PXDNL: variants seen among roughly 807,000 people sequenced by gnomAD.
PXDNL encodes probable oxidoreductase PXDNL.
In PXDNL, 145 loss-of-function variants were observed where a neutral mutation model predicts 150.8. That is an observed-to-expected ratio of 0.96 (90% CI 0.84 to 1.10). The LOEUF is 1.10. Among genes scored for constraint, PXDNL ranks in the 50% least tolerant of loss-of-function variants. The probability of loss-of-function intolerance (pLI) is 0.00; values close to 1 mark genes in which losing one functional copy is unlikely to be tolerated. For missense variants in PXDNL, 2,087 were observed against 1,873.9 expected (o/e 1.11, Z -2.10); for synonymous variants, 757 against 725.7 (o/e 1.04, Z -0.69).
intron 17 of PXDNL, among the ~76,000 whole-genome samples, chr8:51,406,389 T>C (rs1267534827): frequency 6.6e-6 from 1 of 152,178 alleles, no homozygotes; most frequent in Non-Finnish European, 1.5e-5. Context: ...TGCTAGTCTC[T>C]CCTCCTTGCA....
intron 14 of PXDNL, 60 bp from the exon 15 acceptor site, chr8:51,413,318 T>G: frequency 2.0e-6 from 2 of 998,122 alleles, no homozygotes. Flanking sequence ...AGGCATGATA[T>G]TATATGAATG....
chr8:51,525,409 C>T (rs1308470932), intron 4 of PXDNL, among the ~76,000 whole-genome samples: 1 of 152,144 alleles, frequency 6.6e-6, no homozygotes, highest in African/African-American at 2.4e-5. Context: ...CAGTAATTAC[C>T]ACGTGTAACA....
intron 1 of PXDNL, among the ~76,000 whole-genome samples, chr8:51,739,807 T>C (rs987224551): frequency 2.1e-5 from 3 of 144,296 alleles, no homozygotes; most frequent in South Asian, 2.2e-4. Flanking sequence ...ACCCAGGAGG[T>C]GGAGCTTGCA....
At chr8:51,377,755 G>C (rs368160809) in intron 17 of PXDNL, among the ~76,000 whole-genome samples, 1 of 152,304 alleles carries the variant, frequency 6.6e-6, no homozygotes, top group African/African-American at 2.4e-5. Context: ...GCCTCCCTGC[G>C]GGGCAGGGCT....
intron 8 of PXDNL, among the ~76,000 whole-genome samples, chr8:51,462,683 C>CA: frequency 6.6e-6 from 1 of 152,098 alleles, no homozygotes; most frequent in Non-Finnish European, 1.5e-5. Context: ...CATTGGCATT[C>CA]CTGAGAGAAA....
At chr8:51,524,441 T>C (rs1811727168) in intron 4 of PXDNL, among the ~76,000 whole-genome samples, 2 of 152,210 alleles carry the variant, frequency 1.3e-5, no homozygotes, top group African/African-American at 4.8e-5. Flanking sequence ...GGGCAATACA[T>C]TTAAACAGTT....
At chr8:51,570,561 G>A (rs559164166) in intron 3 of PXDNL, among the ~76,000 whole-genome samples, 5 of 151,894 alleles carry the variant, frequency 3.3e-5, no homozygotes, top group South Asian at 2.1e-4. Flanking sequence ...CATCCTTTTC[G>A]TCTATGAATT....
chr8:51,765,244 C>T (rs1380791170), intron 1 of PXDNL, among the ~76,000 whole-genome samples: 1 of 152,108 alleles, frequency 6.6e-6, no homozygotes, highest in East Asian at 1.9e-4. Flanking sequence ...GGGGCGGTTT[C>T]CCCCTTACTG....
intron 9 of PXDNL, among the ~76,000 whole-genome samples, chr8:51,456,439 G>A (rs1156247036): frequency 1.3e-5 from 2 of 152,280 alleles, no homozygotes; most frequent in South Asian, 2.1e-4. Flanking sequence ...GCAATCCTCC[G>A]AGGCTGCTGC....
intron 12 of PXDNL, among the ~76,000 whole-genome samples, chr8:51,446,390 A>C (rs982190991): frequency 6.6e-6 from 1 of 152,234 alleles, no homozygotes; most frequent in South Asian, 2.1e-4. Flanking sequence ...ATTTCACCAT[A>C]AGCCAGAAAC....
chr8:51,508,153 A>G (rs993730222), intron 4 of PXDNL, among the ~76,000 whole-genome samples: 1 of 152,242 alleles, frequency 6.6e-6, no homozygotes. Context: ...AAAAGGAGGC[A>G]GGAATGTGTC....
At chr8:51,783,958 A>G (rs1433168053) in intron 1 of PXDNL, among the ~76,000 whole-genome samples, 1 of 152,148 alleles carries the variant, frequency 6.6e-6, no homozygotes, top group African/African-American at 2.4e-5. Context: ...ATGATTGTTC[A>G]TGTCTTCTGA....
chr8:51,451,617 ACTGTGATT>A (rs1386606293), intron 10 of PXDNL, among the ~76,000 whole-genome samples: 1 of 152,184 alleles, frequency 6.6e-6, no homozygotes, highest in East Asian at 1.9e-4. Context: ...ATATGTCCAC[ACTGTGATT>A]CATATCTTTC....
chr8:51,435,369 T>TTTTGTTCG (rs1809370998), intron 12 of PXDNL, among the ~76,000 whole-genome samples: 1 of 151,168 alleles, frequency 6.6e-6, no homozygotes, highest in Non-Finnish European at 1.5e-5. Flanking sequence ...GTTTGCTTGT[T>TTTTGTTCG]TTTGTTTGTT....
chr8:51,371,998 T>C lies in PXDNL; in HGVS notation c.3776A>G (p.Asp1259Gly). Residue 1259 changes from aspartate (D) to glycine (G), a missense_variant, in exon 19 of 23, where the codon GAC becomes GGC. Coordinates refer to ENST00000356297, the MANE Select transcript of PXDNL (RefSeq NM_144651.5). ...KQASLSRVLCDNGDSIQQVQA... is the reference protein window; with the variant it reads ...KQASLSRVLCGNGDSIQQVQA... ...CACTTGCTGAATGCTGTCACCATTG[T>C]CACAAAGCACCCGGCTCAGGGACGC... The C allele has an allele frequency of 6.2e-7, 1 of 1,613,486 alleles. No individual in the cohort carries two copies. Among genetic ancestry groups the C allele is most frequent in the Non-Finnish European group, 8.5e-7 (1 of 1,179,716 alleles).
intron 4 of PXDNL, among the ~76,000 whole-genome samples, chr8:51,553,441 G>T (rs1812533837): frequency 6.6e-6 from 1 of 152,108 alleles, no homozygotes; most frequent in Non-Finnish European, 1.5e-5. Context: ...TGACCCCATA[G>T]CCCACTCATT....
chr8:51,652,522 C>G (rs1048489791), intron 2 of PXDNL, among the ~76,000 whole-genome samples: 6 of 151,742 alleles, frequency 4.0e-5, no homozygotes, highest in African/African-American at 1.2e-4. Context: ...AAATGATCTA[C>G]CATCTGTATT....
At chr8:51,379,969 C>CT (rs201236712) in intron 17 of PXDNL, among the ~76,000 whole-genome samples, 2,468 of 152,112 alleles carry the variant, frequency 0.016, 32 homozygotes, top group Non-Finnish European at 0.024. Flanking sequence ...TATATGAGCC[C>CT]TTTTTCTTGT....
chr8:51,754,353 G>C (rs1167349768), intron 1 of PXDNL, among the ~76,000 whole-genome samples: 1 of 152,190 alleles, frequency 6.6e-6, no homozygotes, highest in Non-Finnish European at 1.5e-5. Flanking sequence ...ATTGCGGGTG[G>C]TTCTGAGAGC....
Sources: gnomAD v4.1 joint callset for allele counts (sites outside exome capture counted in the v4.1 genomes callset) on GRCh38, gnomAD v4.1.1 for gene constraint, MANE v1.5 for transcripts, NCBI Gene and HGNC (gene_info 2026-07-23, HGNC 2026-07-21) for gene names.